TMEM51: variants seen among roughly 807,000 people sequenced by gnomAD.
The protein encoded by TMEM51 is transmembrane protein 51.
Under a neutral mutation model 13.6 loss-of-function variants are expected in TMEM51, and 8 were observed. The observed-to-expected ratio is 0.59, with a 90% CI of 0.35 to 1.07. The LOEUF (loss-of-function observed/expected upper bound fraction) is 1.07, where lower values mean the gene tolerates loss of function less well. TMEM51 is among the 50% of genes least tolerant of loss of function. The pLI, the probability that TMEM51 is intolerant of heterozygous loss-of-function variation, is 0.02. For synonymous variants in TMEM51, 147 were observed against 144.4 expected (o/e 1.02, Z -0.13); for missense variants, 279 against 330.7 (o/e 0.84, Z 1.21).
chr1:15,164,465 C>A, intron 1 of TMEM51: 1 of 456,038 alleles, frequency 2.2e-6, no homozygotes, highest in Non-Finnish European at 4.4e-6. Flanking sequence ...AAGAATCCTA[C>A]AAAGGTGAAG....
chr1:15,210,243 A>G (rs1175515079), intron 1 of TMEM51, among the ~76,000 whole-genome samples: 2 of 152,226 alleles, frequency 1.3e-5, no homozygotes, highest in Non-Finnish European at 2.9e-5. Context: ...CACATGTCTA[A>G]GATGGATAAT....
At chr1:15,203,288 C>G (rs1055013012) in intron 1 of TMEM51, among the ~76,000 whole-genome samples, 2 of 152,206 alleles carry the variant, frequency 1.3e-5, no homozygotes, top group East Asian at 3.8e-4. Flanking sequence ...GAGTCTCGCT[C>G]TGTCACCCAG....
intron 2 of TMEM51, among the ~76,000 whole-genome samples, chr1:15,213,872 T>TG (rs1346430214): frequency 1.3e-5 from 2 of 152,068 alleles, no homozygotes; most frequent in African/African-American, 2.4e-5. Context: ...GACAGAGTCT[T>TG]GCTCTGTCAC....
At chr1:15,162,650 T>A (rs1642823297) in intron 1 of TMEM51, among the ~76,000 whole-genome samples, 1 of 152,060 alleles carries the variant, frequency 6.6e-6, no homozygotes, top group Non-Finnish European at 1.5e-5. Flanking sequence ...AAACAAAATG[T>A]GGTCTATCCA....
chr1:15,166,862 A>G (rs530475891), intron 1 of TMEM51, among the ~76,000 whole-genome samples: 120 of 152,264 alleles, frequency 7.9e-4, no homozygotes, highest in African/African-American at 2.8e-3. Flanking sequence ...GCAAAGTTCC[A>G]TCACCCCCCA....
At chr1:15,208,180 TATC>T (rs1418121185) in intron 1 of TMEM51, among the ~76,000 whole-genome samples, 3 of 152,116 alleles carry the variant, frequency 2.0e-5, no homozygotes, top group Non-Finnish European at 4.4e-5. Flanking sequence ...TGCAAAGTGT[TATC>T]ATCACCCATG....
chr1:15,171,283 C>G (rs1262722506), intron 1 of TMEM51: 1 of 1,304,088 alleles, frequency 7.7e-7, no homozygotes, highest in African/African-American at 1.5e-5. Context: ...CGGCATCCTT[C>G]CAGGTCAATG....
chr1:15,218,062 G>A (rs12062396), intron 3 of TMEM51, among the ~76,000 whole-genome samples: 23,296 of 152,242 alleles, frequency 0.15, 1,983 homozygotes, highest in East Asian at 0.3. Context: ...GGTTTCTGAT[G>A]TTGGCCATGA....
At chr1:15,172,426 AGGGAGGAAAGAAAAGAATG>A (rs1643312433) in intron 1 of TMEM51, among the ~76,000 whole-genome samples, 1 of 141,310 alleles carries the variant, frequency 7.1e-6, no homozygotes, top group Non-Finnish European at 1.5e-5. Context: ...AGGAGGAGGG[AGGGAGGAAAGAAAAGAATG>A]GAAAGGAAGG....
chr1:15,211,821 A>C (rs1356670838), intron 2 of TMEM51, among the ~76,000 whole-genome samples: 26 of 101,220 alleles, frequency 2.6e-4, no homozygotes, highest in South Asian at 3.6e-4. Context: ...CTGAAAGGTG[A>C]CCCCCCCCCC....
chr1:15,212,370 CCTGT>C (rs1235485988), intron 2 of TMEM51, among the ~76,000 whole-genome samples: 2 of 152,154 alleles, frequency 1.3e-5, no homozygotes, highest in Non-Finnish European at 2.9e-5. Flanking sequence ...ACATCTGGAG[CCTGT>C]CTTTCTCTCG....
At chr1:15,219,055 C>T (rs1157725288) in intron 3 of TMEM51, among the ~76,000 whole-genome samples, 1 of 150,670 alleles carries the variant, frequency 6.6e-6, no homozygotes, top group East Asian at 2.0e-4. Context: ...CAGGCTAAGC[C>T]CCAATTTGGG....
At chr1:15,189,805 A>T (rs994902677) in intron 1 of TMEM51, among the ~76,000 whole-genome samples, 1 of 152,182 alleles carries the variant, frequency 6.6e-6, no homozygotes. Flanking sequence ...GTGGGTTGTG[A>T]TTCATCTGTG....
intron 1 of TMEM51, among the ~76,000 whole-genome samples, chr1:15,190,114 G>T (rs1643895933): frequency 1.3e-5 from 2 of 151,762 alleles, no homozygotes; most frequent in Non-Finnish European, 2.9e-5. Flanking sequence ...TTTAGAGCAG[G>T]GCTTGGGGGC....
intron 1 of TMEM51, among the ~76,000 whole-genome samples, chr1:15,197,651 G>A (rs1049978601): frequency 2.9e-5 from 4 of 136,532 alleles, no homozygotes; most frequent in African/African-American, 1.0e-4. Flanking sequence ...TCCGATTATG[G>A]GCACAGGCTC....
intron 1 of TMEM51, among the ~76,000 whole-genome samples, chr1:15,155,629 C>A (rs147692146): frequency 2.6e-5 from 4 of 152,278 alleles, no homozygotes; most frequent in African/African-American, 9.6e-5. Context: ...GATCGAACAG[C>A]ACAGGCAAAG....
chr1:15,196,278 C>T (rs937405075), intron 1 of TMEM51, among the ~76,000 whole-genome samples: 11 of 152,216 alleles, frequency 7.2e-5, no homozygotes, highest in African/African-American at 2.2e-4. Flanking sequence ...CATCTCCTCC[C>T]TACTCCGAGT....
At chr1:15,170,929 C>T (rs1021758542) in intron 1 of TMEM51, among the ~76,000 whole-genome samples, 5 of 152,024 alleles carry the variant, frequency 3.3e-5, no homozygotes, top group Non-Finnish European at 4.4e-5. Context: ...GGGGTTTAAC[C>T]GTGTTAATCA....
chr1:15,159,739 T>C (rs1316200226), intron 1 of TMEM51, among the ~76,000 whole-genome samples: 2 of 152,138 alleles, frequency 1.3e-5, no homozygotes, highest in African/African-American at 2.4e-5. Context: ...GTATTTTTAG[T>C]AGCGATGGGA....
Sources: gnomAD v4.1 joint callset for allele counts (sites outside exome capture counted in the v4.1 genomes callset) on GRCh38, gnomAD v4.1.1 for gene constraint, MANE v1.5 for transcripts, NCBI Gene and HGNC (gene_info 2026-07-23, HGNC 2026-07-21) for gene names.